The following CNTN3 variants were observed in gnomAD, a reference collection of about 807,000 sequenced individuals.
CNTN3 encodes contactin-3.
Under a neutral mutation model 119.1 loss-of-function variants are expected in CNTN3, and 60 were observed. The observed-to-expected ratio is 0.50, with a 90% CI of 0.41 to 0.62. The LOEUF is 0.62. Ranked by LOEUF, CNTN3 falls within the 20% of genes least tolerant of loss-of-function variation. The pLI is 0.00. For synonymous variants in CNTN3, 450 were observed against 438.7 expected (o/e 1.03, Z -0.32); for missense variants, 1,101 against 1,242.4 (o/e 0.89, Z 1.71).
At chr3:74,504,037 C>T (rs1421601557) in intron 2 of CNTN3, among the ~76,000 whole-genome samples, 4 of 152,086 alleles carry the variant, frequency 2.6e-5, no homozygotes, top group Non-Finnish European at 5.9e-5. Flanking sequence ...ATACTCTATA[C>T]AATTTTTATG....
rs565116831 is a variant in CNTN3 at position 74,451,052 on chromosome 3, T to C, written c.359-26112A>G. Among the ~76,000 whole-genome samples the C allele has an allele frequency of 8.5e-5, 13 of 152,244 alleles. 1 individual carries two copies. The South Asian group carries it at 2.7e-3, about 32-fold the overall frequency. On this transcript the variant is annotated intron_variant, in intron 4 of 22. Transcript: ENST00000263665. The stretch of plus-strand genomic sequence containing the variant: ...CCAGCATTGGGATGGCTGGGTCAAA[T>C]GGTATTTCTAGTTCTAGATCCCTGA...
intron 11 of CNTN3, among the ~76,000 whole-genome samples, chr3:74,348,667 A>G (rs1264719837): frequency 6.6e-6 from 1 of 152,122 alleles, no homozygotes; most frequent in African/African-American, 2.4e-5. Flanking sequence ...TCCAGCCCCC[A>G]TCCCACTGCA....
chr3:74,271,499 C>T (rs2044593), intron 20 of CNTN3, among the ~76,000 whole-genome samples: 104,499 of 152,030 alleles, frequency 0.69, 36,513 homozygotes, highest in East Asian at 0.97. Flanking sequence ...TTGCCTGGAG[C>T]TTTCAATGGT....
rs1703920775 is a variant in CNTN3, at chr3:74,355,779, T to A, written c.1364+6111A>T. On this transcript the variant is annotated intron_variant, in intron 11 of 22. Coordinates refer to ENST00000263665, the MANE Select transcript of CNTN3 (RefSeq NM_020872.3). ...TGGTCCTCTTTTTTAAACAGAAATTTAATCCTGTACATCTTCTACTTTGAT... is the reference window on the plus strand; with the variant it reads ...TGGTCCTCTTTTTTAAACAGAAATTAAATCCTGTACATCTTCTACTTTGAT... 1.3e-5 allele frequency among the ~76,000 whole-genome samples: 2 copies of A among 152,018 alleles called. 1 individual carries two copies. Among genetic ancestry groups the A allele is most frequent in the South Asian group, 4.1e-4 (2 of 4,826 alleles).
intron 11 of CNTN3, among the ~76,000 whole-genome samples, chr3:74,346,049 A>G (rs1286615180): frequency 2.0e-5 from 3 of 152,142 alleles, no homozygotes; most frequent in African/African-American, 7.2e-5. Context: ...TATTTGATAA[A>G]CTGTCTCCAA....
At chr3:74,537,089 C>T (rs1359636921) in intron 1 of CNTN3, among the ~76,000 whole-genome samples, 1 of 152,062 alleles carries the variant, frequency 6.6e-6, no homozygotes, top group African/African-American at 2.4e-5. Flanking sequence ...AATACATACT[C>T]TTATGGAGGA....
chr3:74,520,705 C>T (rs948920058), intron 2 of CNTN3, among the ~76,000 whole-genome samples: 1 of 151,214 alleles, frequency 6.6e-6, no homozygotes, highest in African/African-American at 2.4e-5. Context: ...AATTTATATG[C>T]TCCTTTGTAT....
chr3:74,580,474 G>A (rs1006712857), intron 1 of CNTN3, among the ~76,000 whole-genome samples: 1 of 151,994 alleles, frequency 6.6e-6, no homozygotes, highest in African/African-American at 2.4e-5. Context: ...AAATTTTTAA[G>A]TCCCTTGAAG....
chr3:74,361,809 T>C (rs1448145436), intron 11 of CNTN3, 81 bp downstream of exon 11: 3 of 1,398,622 alleles, frequency 2.1e-6, no homozygotes, highest in East Asian at 2.4e-5. Flanking sequence ...TTTTGTTTCA[T>C]TTCATATTTA....
chr3:74,357,334 A>G (rs1489544463), intron 11 of CNTN3, among the ~76,000 whole-genome samples: 1 of 152,080 alleles, frequency 6.6e-6, no homozygotes, highest in East Asian at 1.9e-4. Flanking sequence ...CCCAGGCTGG[A>G]GTGCAGTGGT....
At chr3:74,603,471 C>T (rs1333507946) in intron 1 of CNTN3, among the ~76,000 whole-genome samples, 2 of 152,126 alleles carry the variant, frequency 1.3e-5, no homozygotes, top group Non-Finnish European at 2.9e-5. Context: ...AAGAGCAATG[C>T]TGATCCAAAG....
chr3:74,515,377 T>C (rs1703433383), intron 2 of CNTN3, among the ~76,000 whole-genome samples: 1 of 152,040 alleles, frequency 6.6e-6, no homozygotes, highest in African/African-American at 2.4e-5. Context: ...CTGATAATCA[T>C]GAGGAAATGG....
At chr3:74,339,523 T>C (rs1051921160) in intron 11 of CNTN3, among the ~76,000 whole-genome samples, 2 of 152,132 alleles carry the variant, frequency 1.3e-5, no homozygotes, top group Non-Finnish European at 2.9e-5. Context: ...CTGTATTTGA[T>C]CAAAACATTC....
intron 8 of CNTN3, among the ~76,000 whole-genome samples, chr3:74,366,001 T>C (rs1704177493): frequency 6.6e-6 from 1 of 152,120 alleles, no homozygotes; most frequent in Admixed American, 6.6e-5. Context: ...AGATATCTAT[T>C]AGTAGACAGT....
chr3:74,431,844 C>T (rs967444863), intron 4 of CNTN3, among the ~76,000 whole-genome samples: 1 of 152,166 alleles, frequency 6.6e-6, no homozygotes. Context: ...TGCTTTATAT[C>T]TACTTGTGAT....
At position 74,489,829 on chromosome 3, in the gene CNTN3, T is replaced by C. The variant is rs372437029; in HGVS notation, c.183-3198A>G. The stretch of plus-strand genomic sequence containing the variant: ...AATGGAGAGAATGCCATCTATCCCA[T>C]AGGATTGCTCTTCAAATTTATTCAG... On this transcript the variant is annotated intron_variant, in intron 3 of 22. Coordinates refer to ENST00000263665, the MANE Select transcript of CNTN3 (RefSeq NM_020872.3). Among the ~76,000 whole-genome samples, 9 of 152,264 alleles carry C rather than the reference T, an allele frequency of 5.9e-5. No individual in the cohort carries two copies. The South Asian group carries it at 1.9e-3, about 32-fold the overall frequency.
At chr3:74,575,952 C>T (rs1368842377) in intron 1 of CNTN3, among the ~76,000 whole-genome samples, 1 of 151,946 alleles carries the variant, frequency 6.6e-6, no homozygotes, top group Non-Finnish European at 1.5e-5. Context: ...AACCCAGTGT[C>T]CAGCTTCCCT....
At chr3:74,573,235 G>C (rs1704362439) in intron 1 of CNTN3, among the ~76,000 whole-genome samples, 1 of 151,866 alleles carries the variant, frequency 6.6e-6, no homozygotes, top group East Asian at 1.9e-4. Context: ...AAAGGGGTGG[G>C]AAGGACTGGC....
At chr3:74,494,949 C>A (rs915855125) in intron 3 of CNTN3, among the ~76,000 whole-genome samples, 1 of 152,040 alleles carries the variant, frequency 6.6e-6, no homozygotes, top group African/African-American at 2.4e-5. Context: ...ATGTCAAGAA[C>A]GCTTCCTAGG....
Sources: allele counts gnomAD v4.1 joint callset (sites outside exome capture counted in the v4.1 genomes callset), GRCh38; gene constraint gnomAD v4.1.1; transcripts MANE v1.5; gene names NCBI Gene and HGNC (gene_info 2026-07-23, HGNC 2026-07-21).